Variants in SMOC2 observed in about 807,000 individuals in gnomAD.
SMOC2 encodes SPARC related modular calcium binding 2, also known as SPARC-related modular calcium-binding protein 2.
A neutral mutation model predicts 61.4 loss-of-function variants in SMOC2; 39 were observed. That is an observed-to-expected ratio of 0.64 (90% CI 0.49 to 0.83). The LOEUF (loss-of-function observed/expected upper bound fraction) is 0.83, where lower values mean the gene tolerates loss of function less well. Among genes scored for constraint, SMOC2 ranks in the 40% least tolerant of loss-of-function variants. SMOC2 has a pLI of 0.00. For missense variants in SMOC2, 556 were observed against 592.9 expected (o/e 0.94, Z 0.65); for synonymous variants, 247 against 239.9 (o/e 1.03, Z -0.27).
At position 168,527,747 on chromosome 6, in the gene SMOC2, C is replaced by T. The variant is rs1326243116; in HGVS notation, c.463+20C>T. 3.3e-6 allele frequency: 5 copies of T among 1,495,568 alleles called. No homozygotes were observed. Among genetic ancestry groups the T allele is most frequent in the Non-Finnish European group, 4.6e-6 (5 of 1,096,552 alleles). The allele number at this position is 1,495,568 out of a possible 1,614,324, so 92.6% of individuals were successfully genotyped here. A position where few individuals can be genotyped will look rare whatever the true frequency, so the allele number is the denominator to read the frequency against. On this transcript the variant is annotated intron_variant, in intron 4 of 12. Transcript: ENST00000356284. Reference sequence around the variant, plus strand: ...GCCCGGGTAGGTCTGACGTGCCTTTCCAAGTGGAAGGCTTGAAGGGAATTG... The same window carrying T: ...GCCCGGGTAGGTCTGACGTGCCTTTTCAAGTGGAAGGCTTGAAGGGAATTG...
At chr6:168,640,240 G>A (rs974419914) in intron 9 of SMOC2, among the ~76,000 whole-genome samples, 23 of 103,320 alleles carry the variant, frequency 2.2e-4, no homozygotes, top group African/African-American at 6.5e-4. Flanking sequence ...TGTGGTAGTC[G>A]CTGTGTGGTT....
At chr6:168,517,815 C>CAGGGGCCTGGGCGGTGG (rs374969550) in intron 2 of SMOC2, among the ~76,000 whole-genome samples, 39 of 152,208 alleles carry the variant, frequency 2.6e-4, no homozygotes, top group Middle Eastern at 6.8e-3. Flanking sequence ...GGGTGAAATG[C>CAGGGGCCTGGGCGGTGG]AGGGGCCTGG....
At chr6:168,579,894 G>A (rs1220305658) in intron 7 of SMOC2, among the ~76,000 whole-genome samples, 1 of 152,164 alleles carries the variant, frequency 6.6e-6, no homozygotes, top group East Asian at 1.9e-4. Context: ...AGCTTATGTT[G>A]GTGTGGTTGT....
intron 8 of SMOC2, 49 bp from the exon 9 acceptor site, chr6:168,608,108 C>T: frequency 9.0e-6 from 14 of 1,551,398 alleles, no homozygotes; most frequent in Non-Finnish European, 1.2e-5. Context: ...CAGCTGGTCT[C>T]AAGCCCGTTG....
chr6:168,469,554 C>T (rs534865578), intron 1 of SMOC2, among the ~76,000 whole-genome samples: 2 of 152,286 alleles, frequency 1.3e-5, no homozygotes, highest in East Asian at 3.9e-4. Context: ...TAAATGGTGT[C>T]CTGAAATCAA....
At chr6:168,626,448 CTA>C (rs1484728136) in intron 9 of SMOC2, among the ~76,000 whole-genome samples, 4 of 152,208 alleles carry the variant, frequency 2.6e-5, no homozygotes, top group East Asian at 3.9e-4. Flanking sequence ...GCATTTTTCT[CTA>C]TGTTTTATGA....
chr6:168,560,371 A>G (rs1784372775), intron 7 of SMOC2, among the ~76,000 whole-genome samples: 2 of 152,270 alleles, frequency 1.3e-5, no homozygotes, highest in Admixed American at 6.5e-5. Flanking sequence ...CTGCATCAAA[A>G]CACAGAACAT....
At chr6:168,619,287 A>G (rs1023820979) in intron 9 of SMOC2, among the ~76,000 whole-genome samples, 2 of 152,230 alleles carry the variant, frequency 1.3e-5, no homozygotes, top group African/African-American at 4.8e-5. Flanking sequence ...TTTGAAAGTT[A>G]TGATTATGCA....
chr6:168,450,737 A>G (rs994145594), intron 1 of SMOC2, among the ~76,000 whole-genome samples: 2 of 152,148 alleles, frequency 1.3e-5, no homozygotes, highest in African/African-American at 4.8e-5. Flanking sequence ...CCTTTTAAGA[A>G]TGTGGTCCCA....
chr6:168,562,736 G>A (rs1250595809), intron 7 of SMOC2, among the ~76,000 whole-genome samples: 1 of 152,158 alleles, frequency 6.6e-6, no homozygotes, highest in Non-Finnish European at 1.5e-5. Context: ...CATTTCAGAG[G>A]CTCAGCAGGT....
intron 4 of SMOC2, among the ~76,000 whole-genome samples, chr6:168,527,997 A>G (rs1783495921): frequency 1.3e-5 from 2 of 152,250 alleles, no homozygotes. Context: ...TCTGATCATG[A>G]TGGGTTAAGA....
intron 2 of SMOC2, among the ~76,000 whole-genome samples, chr6:168,519,205 G>A (rs950543893): frequency 4.8e-5 from 6 of 125,066 alleles, no homozygotes; most frequent in African/African-American, 1.3e-4. Flanking sequence ...GTGTGTGTAT[G>A]CATGCGTGTG....
At chr6:168,515,394 C>A (rs916400363) in intron 2 of SMOC2, among the ~76,000 whole-genome samples, 10 of 152,334 alleles carry the variant, frequency 6.6e-5, no homozygotes, top group Middle Eastern at 6.8e-3. Context: ...AACTGGGTGT[C>A]ACGCCCTTCT....
At chr6:168,523,468 A>G (rs867691884) in intron 2 of SMOC2, among the ~76,000 whole-genome samples, 11 of 151,386 alleles carry the variant, frequency 7.3e-5, no homozygotes, top group African/African-American at 2.2e-4. Flanking sequence ...GCTCACTGCA[A>G]TCTCTGCCTC....
At chr6:168,494,824 C>G (rs1351669611) in intron 1 of SMOC2, among the ~76,000 whole-genome samples, 1 of 152,224 alleles carries the variant, frequency 6.6e-6, no homozygotes, top group Non-Finnish European at 1.5e-5. Context: ...CCACTTCGCT[C>G]CCAGCTGCTG....
At chr6:168,506,239 T>C (rs767716962) in intron 1 of SMOC2, among the ~76,000 whole-genome samples, 1 of 152,172 alleles carries the variant, frequency 6.6e-6, no homozygotes, top group Non-Finnish European at 1.5e-5. Context: ...TCTCACTGTG[T>C]GGCCCAGGCT....
At chr6:168,625,241 C>T (rs1290006791) in intron 9 of SMOC2, among the ~76,000 whole-genome samples, 1 of 152,236 alleles carries the variant, frequency 6.6e-6, no homozygotes, top group African/African-American at 2.4e-5. Context: ...ACTGGAGATG[C>T]AGCTTAGGAT....
chr6:168,644,385 C>G (rs758641830), intron 9 of SMOC2, among the ~76,000 whole-genome samples: 2 of 152,192 alleles, frequency 1.3e-5, no homozygotes, highest in Non-Finnish European at 2.9e-5. Context: ...TTATTTCTAG[C>G]TGTTTGTGAA....
At chr6:168,644,788 T>A (rs1183781899) in intron 9 of SMOC2, among the ~76,000 whole-genome samples, 1 of 152,000 alleles carries the variant, frequency 6.6e-6, no homozygotes, top group Admixed American at 6.6e-5. Flanking sequence ...TAGCTGAGAT[T>A]ATAGGCATGT....
Sources: allele counts gnomAD v4.1 joint callset (sites outside exome capture counted in the v4.1 genomes callset), GRCh38; gene constraint gnomAD v4.1.1; transcripts MANE v1.5; gene names NCBI Gene and HGNC (gene_info 2026-07-23, HGNC 2026-07-21).